Variants in ENTREP2 observed in about 807,000 individuals in gnomAD.
ENTREP2 encodes the protein protein ENTREP2.
the ENTREP2 span, among the ~76,000 whole-genome samples, chr15:29,132,687 A>G: frequency 5.3e-5 from 8 of 152,230 alleles, no homozygotes; most frequent in Non-Finnish European, 1.0e-4. Flanking sequence ...CTTCAGAGAA[A>G]ACAGTAAAAC....
chr15:29,610,231 A>G, the ENTREP2 span: 1 of 150,862 alleles, frequency 6.6e-6, no homozygotes, highest in Admixed American at 6.7e-5. Flanking sequence ...CTTTGTCTAC[A>G]CCTAGAAAAA....
At chr15:29,630,820 T>A in the ENTREP2 span, among the ~76,000 whole-genome samples, 2 of 152,170 alleles carry the variant, frequency 1.3e-5, no homozygotes, top group African/African-American at 4.8e-5. Context: ...CCCGAGTAGT[T>A]GGGATTACAG....
At chr15:29,415,284 A>G in the ENTREP2 span, among the ~76,000 whole-genome samples, 1 of 152,220 alleles carries the variant, frequency 6.6e-6, no homozygotes, top group African/African-American at 2.4e-5. Flanking sequence ...CCAGCAGCAC[A>G]TCAAAAAGCT....
At chr15:29,553,652 A>T in the ENTREP2 span, among the ~76,000 whole-genome samples, 1 of 152,026 alleles carries the variant, frequency 6.6e-6, no homozygotes, top group Non-Finnish European at 1.5e-5. Context: ...AGCAGTTTCC[A>T]CCTAGTGTTC....
the ENTREP2 span, among the ~76,000 whole-genome samples, chr15:29,182,172 C>A: frequency 6.6e-6 from 1 of 151,390 alleles, no homozygotes; most frequent in Non-Finnish European, 1.5e-5. Context: ...TCACCCAGGC[C>A]AGACTGCAGT....
the ENTREP2 span, among the ~76,000 whole-genome samples, chr15:29,311,020 T>C: frequency 6.6e-6 from 1 of 152,026 alleles, no homozygotes; most frequent in Non-Finnish European, 1.5e-5. Context: ...CACAGTAATT[T>C]TGTAGAAGAA....
chr15:29,345,732 C>G, the ENTREP2 span, among the ~76,000 whole-genome samples: 1 of 151,790 alleles, frequency 6.6e-6, no homozygotes, highest in Non-Finnish European at 1.5e-5. Flanking sequence ...GTCCTGGGCT[C>G]TGCTTCTGGG....
At chr15:29,551,848 C>A in the ENTREP2 span, among the ~76,000 whole-genome samples, 1 of 152,118 alleles carries the variant, frequency 6.6e-6, no homozygotes, top group Non-Finnish European at 1.5e-5. Context: ...GAACCATTTC[C>A]CTAACAGCTC....
the ENTREP2 span, among the ~76,000 whole-genome samples, chr15:29,130,809 T>G: frequency 6.6e-6 from 1 of 152,190 alleles, no homozygotes; most frequent in African/African-American, 2.4e-5. Context: ...AAAATAGCAC[T>G]TCCTTTCATA....
chr15:29,625,734 G>A, the ENTREP2 span, among the ~76,000 whole-genome samples: 1 of 152,060 alleles, frequency 6.6e-6, no homozygotes, highest in African/African-American at 2.4e-5. Flanking sequence ...TTTCCAGAGT[G>A]GTTATACCAT....
At chr15:29,224,885 C>T in the ENTREP2 span, among the ~76,000 whole-genome samples, 3 of 152,262 alleles carry the variant, frequency 2.0e-5, no homozygotes, top group African/African-American at 4.8e-5. Context: ...CAGGAGCCCA[C>T]GGAAGTTGGG....
At chr15:29,329,362 C>CA in the ENTREP2 span, among the ~76,000 whole-genome samples, 1,201 of 98,356 alleles carry the variant, frequency 0.012, 9 homozygotes, top group African/African-American at 0.031. Flanking sequence ...GGCTCCGTCT[C>CA]AAAAAAAAAA....
chr15:29,215,135 A>G, the ENTREP2 span, among the ~76,000 whole-genome samples: 1 of 152,122 alleles, frequency 6.6e-6, no homozygotes, highest in Non-Finnish European at 1.5e-5. Context: ...TTAGGTGCAT[A>G]TATGTTTAGG....
At chr15:29,264,752 A>G in the ENTREP2 span, among the ~76,000 whole-genome samples, 37 of 152,338 alleles carry the variant, frequency 2.4e-4, no homozygotes, top group African/African-American at 8.4e-4. Context: ...CTGGGCTTGC[A>G]ACTTTTCTGT....
chr15:29,457,473 GCAGGAAGGCAGGCCCTGGC>G, the ENTREP2 span, among the ~76,000 whole-genome samples: 1 of 152,216 alleles, frequency 6.6e-6, no homozygotes, highest in African/African-American at 2.4e-5. Flanking sequence ...GCTGCACTGT[GCAGGAAGGCAGGCCCTGGC>G]CCTGGTGCCT....
chr15:29,472,283 G>C, the ENTREP2 span, among the ~76,000 whole-genome samples: 1 of 152,058 alleles, frequency 6.6e-6, no homozygotes, highest in Non-Finnish European at 1.5e-5. Flanking sequence ...GGAAGAGGTG[G>C]CACCAGGAGG....
the ENTREP2 span, among the ~76,000 whole-genome samples, chr15:29,131,294 C>T: frequency 1.3e-5 from 2 of 151,906 alleles, no homozygotes; most frequent in Admixed American, 6.6e-5. Flanking sequence ...TCGTAAGTGT[C>T]AGGACCTGGT....
chr15:29,410,877 C>A, the ENTREP2 span, among the ~76,000 whole-genome samples: 108 of 152,308 alleles, frequency 7.1e-4, no homozygotes, highest in Non-Finnish European at 1.4e-3. Flanking sequence ...CCTCCGCCTC[C>A]CAGGTTCAAG....
the ENTREP2 span, chr15:29,381,768 C>A: frequency 6.4e-7 from 1 of 1,551,108 alleles, no homozygotes. Flanking sequence ...ACGCAGGTGC[C>A]ACTTACCACA....
Sources: gnomAD v4.1 joint callset for allele counts (sites outside exome capture counted in the v4.1 genomes callset) on GRCh38, gnomAD v4.1.1 for gene constraint, MANE v1.5 for transcripts, NCBI Gene and HGNC (gene_info 2026-07-23, HGNC 2026-07-21) for gene names.